MROH6: variants seen among roughly 807,000 people sequenced by gnomAD.
MROH6 encodes maestro heat-like repeat-containing protein family member 6.
Under a neutral mutation model 67.7 loss-of-function variants are expected in MROH6, and 62 were observed. The ratio of observed to expected loss-of-function variants is 0.92; its 90% CI spans 0.75 to 1.13. The LOEUF (loss-of-function observed/expected upper bound fraction) is 1.13. Ranked by LOEUF, MROH6 falls within the 50% of genes most tolerant of loss-of-function variation. MROH6 has a pLI of 0.00. For synonymous variants in MROH6, 566 were observed against 470.8 expected, an observed-to-expected ratio of 1.20 and a Z score of -2.62; for missense variants, 1,175 against 1,029.1, an observed-to-expected ratio of 1.14 and a Z score of -1.94.
At position 143,568,632 on chromosome 8, in the gene MROH6, C is replaced by G. The variant is rs759014426; in HGVS notation, c.1564G>C (p.Gly522Arg). 1 of 1,537,380 alleles carries G rather than the reference C, an allele frequency of 6.5e-7. No individual in the cohort carries two copies. The highest frequency in any genetic ancestry group is 8.7e-7 in the Non-Finnish European group (1 of 1,147,488). The stretch of plus-strand genomic sequence containing the variant: ...TGCAGCACCAGCTTCCGCAGGGGGC[C>G]GCGGAGCCCCAGCCGGAGCCCGCCC... ...GRGGLRLGLRGPLRKLVLQSL... is the reference protein window; with the variant it reads ...GRGGLRLGLRRPLRKLVLQSL... The change falls in exon 10 of 14, where the codon GGC (glycine) becomes CGC (arginine). Residue 522 changes from glycine (G) to arginine (R), a missense_variant. Gly to Arg is a moderately radical substitution (Grantham distance 125). Coordinates refer to ENST00000398882, the MANE Select transcript of MROH6 (RefSeq NM_001100878.2).
In MROH6 at chr8:143,567,663, G is replaced by A; in HGVS notation, c.1881C>T (p.His627=). ...AAAVLIGFLV[H]HASPGCVNQD... ...GGTTGACACAGCCGGGGCTGGCGTGGTGGACAAGGAAGCCTGGACCACAGC... is the reference window on the plus strand; with the variant it reads ...GGTTGACACAGCCGGGGCTGGCGTGATGGACAAGGAAGCCTGGACCACAGC... The change falls in exon 13 of 14, where the codon CAC becomes CAT. Residue 627 remains histidine (H), a synonymous_variant. Coordinates refer to ENST00000398882, the MANE Select transcript of MROH6 (RefSeq NM_001100878.2). 2.5e-6 allele frequency: 4 copies of A among 1,577,534 alleles called. No individual in the cohort carries two copies. Among genetic ancestry groups the A allele is most frequent in the South Asian group, 1.2e-5 (1 of 86,304 alleles).
rs752558058 is a variant in MROH6, at chr8:143,572,016, A to T, written c.447+17T>A. 6.2e-7 allele frequency: 1 copy of T among 1,605,912 alleles called. No homozygotes were observed. Among genetic ancestry groups the T allele is most frequent in the Non-Finnish European group, 8.5e-7 (1 of 1,176,088 alleles). On this transcript the variant is annotated intron_variant, in intron 2 of 13. Transcript: ENST00000398882. Reference sequence around the variant, plus strand: ...ACCGGCAGGATTCTGTAGGGCATGAAGTGGGTGAAGGCTGACCTGGTCCTC... The same window carrying T: ...ACCGGCAGGATTCTGTAGGGCATGATGTGGGTGAAGGCTGACCTGGTCCTC...
At chr8:143,571,037 G>A (rs927833179) in intron 3 of MROH6, 43 bp from the exon 4 acceptor site, 13 of 1,512,262 alleles carry the variant, frequency 8.6e-6, no homozygotes, top group African/African-American at 1.4e-5. Flanking sequence ...GAGATGGGTG[G>A]GTGTCCAGGG....
Position 143,572,592 on chromosome 8 carries a change from T to C in MROH6, c.123A>G (p.Ala41=). ...RQGQPQGPPS[A]GPQPKSWEVK... ...CCTCCCAGGACTTGGGCTGAGGGCC[T>C]GCGGAAGGGGGTCCCTGGGGCTGCC... The change falls in exon 1 of 14, where the codon GCA becomes GCG. Residue 41 remains alanine (A), a synonymous_variant. Coordinates refer to ENST00000398882, the MANE Select transcript of MROH6 (RefSeq NM_001100878.2). 1 of 1,601,566 alleles carries C rather than the reference T, an allele frequency of 6.2e-7. No homozygotes were observed. Among genetic ancestry groups the C allele is most frequent in the Non-Finnish European group, 8.5e-7 (1 of 1,176,202 alleles).
chr8:143,571,673 G>C lies in MROH6; in HGVS notation c.596C>G (p.Ala199Gly). The C allele has an allele frequency of 6.4e-7, 1 of 1,557,164 alleles. No individual in the cohort carries two copies. The highest frequency in any genetic ancestry group is 8.7e-7 in the Non-Finnish European group (1 of 1,151,042). ...GCCAGGACGGTTGGGTTACCGATCG[G>C]CGGGCAGAGAGCGGGGTAGCAGCGC... ...VCALLPRSLPADRVAAELWRS... is the reference protein window; with the variant it reads ...VCALLPRSLPGDRVAAELWRS... Residue 199 changes from alanine (A) to glycine (G), a missense_variant, in exon 3 of 14, where the codon GCC becomes GGC. Coordinates refer to ENST00000398882, the MANE Select transcript of MROH6 (RefSeq NM_001100878.2).
rs1230905690 is a variant in MROH6 at position 143,567,483 on chromosome 8, C to T, written c.1934-18G>A. On this transcript the variant is annotated intron_variant, in intron 13 of 13. Transcript: ENST00000398882. ...CCCTAGGTCTGCGAGGAGATCGCGG[C>T]TCAGGCTGGGGAGCCCAGGAGGGCC... is the stretch of plus-strand genomic sequence containing the variant. 1.4e-5 allele frequency: 20 copies of T among 1,427,602 alleles called. No homozygotes were observed. Among genetic ancestry groups the T allele is most frequent in the Non-Finnish European group, 1.7e-5 (18 of 1,086,048 alleles). The allele number at this position is 1,427,602 out of a possible 1,614,324, so 88.4% of individuals were successfully genotyped here.
intron 9 of MROH6, chr8:143,568,968 C>T: frequency 3.1e-6 from 1 of 322,410 alleles, no homozygotes; most frequent in Admixed American, 7.4e-5. Context: ...TGGCGGGACA[C>T]GGCCCTGGAG....
rs1218018519 is a variant in MROH6 at position 143,569,479 on chromosome 8, C to T, written c.1438G>A (p.Ala480Thr). The T allele has an allele frequency of 3.4e-6, 5 of 1,474,926 alleles. No homozygotes were observed. The African/African-American group carries it at 4.4e-5, about 13-fold the overall frequency. 91.4% of individuals were successfully genotyped at this position (1,474,926 alleles called of 1,614,324 possible). A position where few individuals can be genotyped will look rare whatever the true frequency, so the allele number is the denominator to read the frequency against. ...GGAGGGAGGCGCGGTCCCAGCTCCG[C>T]GCTCAGGAGCCGCACAGGCGCCCGG... ...RPRAPVRLLS[A>T]ELGPRLPPLL... is the part of the protein sequence containing the mutation. Residue 480 changes from alanine (A) to threonine (T), a missense_variant, in exon 9 of 14, where the codon GCG becomes ACG. Coordinates refer to ENST00000398882, the MANE Select transcript of MROH6 (RefSeq NM_001100878.2).
Position 143,567,097 on chromosome 8 carries a change from G to C in MROH6, c.*142C>G. On this transcript the variant is annotated 3_prime_UTR_variant, in exon 14 of 14. Coordinates refer to ENST00000398882, the MANE Select transcript of MROH6 (RefSeq NM_001100878.2). ...CATCAGGGTGGTGGGTGCCTGAAGA[G>C]GGGTCACGGGGGTGGGGGGTGGGGG... 1 of 395,550 alleles carries C rather than the reference G, an allele frequency of 2.5e-6. No homozygotes were observed. Among genetic ancestry groups the C allele is most frequent in the Non-Finnish European group, 4.2e-6 (1 of 235,332 alleles). 24.5% of individuals were successfully genotyped at this position (395,550 alleles called of 1,614,324 possible). A position where few individuals can be genotyped will look rare whatever the true frequency, so the allele number is the denominator to read the frequency against.
Position 143,567,286 on chromosome 8 carries a change from G to A in MROH6, c.2113C>T (p.Arg705Trp), listed in dbSNP as rs1421899925. 3.3e-6 allele frequency: 4 copies of A among 1,222,482 alleles called. No homozygotes were observed. Among genetic ancestry groups the A allele is most frequent in the Non-Finnish European group, 4.1e-6 (4 of 981,888 alleles). The allele number at this position is 1,222,482 out of a possible 1,614,324, so 75.7% of individuals were successfully genotyped here. The stretch of plus-strand genomic sequence containing the variant: ...CAGCCCCAGCGGCCCGCGACGCTCC[G>A]GCGCTGGAAGGGGCTGTCGGCGAAG... ...PVFADSPFQR[R>W]SVAGRWGCSG... is the part of the protein sequence containing the mutation. The change falls in exon 14 of 14, where the codon CGG becomes TGG. Residue 705 changes from arginine to tryptophan, a missense_variant. Arg to Trp is a moderately radical substitution (Grantham distance 101). Coordinates refer to ENST00000398882, the MANE Select transcript of MROH6 (RefSeq NM_001100878.2).
rs1354177421 is a variant in MROH6, at chr8:143,567,336, G to A, written c.2063C>T (p.Pro688Leu). 1.5e-5 allele frequency: 18 copies of A among 1,218,960 alleles called. No individual in the cohort carries two copies. The East Asian group carries it at 2.6e-4, about 18-fold the overall frequency. 75.5% of individuals were successfully genotyped at this position (1,218,960 alleles called of 1,614,324 possible). A position where few individuals can be genotyped will look rare whatever the true frequency, so the allele number is the denominator to read the frequency against. ...PRGPRLLRIA[P>L]RPARPPPVFA... ...GACTGGTGGGGGCCGGGCGGGGCGC[G>A]GGGCGATGCGGAGAAGGCGGGGCCC... Residue 688 changes from proline to leucine, a missense_variant, in exon 14 of 14, where the codon CCG becomes CTG. Transcript: ENST00000398882.
intron 4 of MROH6, 84 bp from the exon 5 acceptor site, chr8:143,570,741 A>C: frequency 6.9e-7 from 1 of 1,458,964 alleles, no homozygotes; most frequent in Non-Finnish European, 9.2e-7. Context: ...TGTCAACAGG[A>C]TGGGGACAGC....
At position 143,570,918 on chromosome 8, in the gene MROH6, C is replaced by A. The variant is rs750841501; in HGVS notation, c.679G>T (p.Ala227Ser). 1.3e-6 allele frequency: 2 copies of A among 1,548,766 alleles called. No individual in the cohort carries two copies. Among genetic ancestry groups the A allele is most frequent in the African/African-American group, 2.7e-5 (2 of 73,022 alleles). Reference protein sequence around the residue: ...NGQVLVQLLWALKGASGPEPQ... With the variant: ...NGQVLVQLLWSLKGASGPEPQ... ...TCCGGCCCCGAAGCACCCTTCAGCG[C>A]CCACAGCAGTTGCACCAGCACCTGC... Residue 227 changes from alanine to serine, a missense_variant, in exon 4 of 14, where the codon GCG becomes TCG. Physicochemically the swap from Ala to Ser is moderately conservative, Grantham distance 99. Transcript: ENST00000398882.
At position 143,567,892 on chromosome 8, in the gene MROH6, G is replaced by A. The variant is rs1823721242; in HGVS notation, c.1765-4C>T. ...CGTGGCCTGGGTATCGCTGAACCTG[G>A]GGACAAAAGGGCTAGTGGCAGGACA... On this transcript the variant is annotated splice_polypyrimidine_tract_variant and splice_region_variant and intron_variant, in intron 11 of 13. Transcript: ENST00000398882. 1 of 1,520,488 alleles carries A rather than the reference G, an allele frequency of 6.6e-7. No individual in the cohort carries two copies. The highest frequency in any genetic ancestry group is 8.8e-7 in the Non-Finnish European group (1 of 1,135,784). 94.2% of individuals were successfully genotyped at this position (1,520,488 alleles called of 1,614,324 possible).
rs146481982 is a variant in MROH6, at chr8:143,569,667, C to G, written c.1302+30G>C. 4 of 1,607,928 alleles carry G rather than the reference C, an allele frequency of 2.5e-6. No homozygotes were observed. In the African/African-American group the frequency reaches 4.0e-5, roughly 16 times the overall value. On this transcript the variant is annotated intron_variant, in intron 8 of 13. Coordinates refer to ENST00000398882, the MANE Select transcript of MROH6 (RefSeq NM_001100878.2). ...CAGACCTCGCCGCGACCGGGCCAAG[C>G]CCCTCTCCACCCCTCCCCTTCTCTC... is the stretch of plus-strand genomic sequence containing the variant.
intron 9 of MROH6, chr8:143,568,936 A>G: frequency 4.3e-6 from 2 of 465,814 alleles, no homozygotes. Flanking sequence ...GTCCGGAAGG[A>G]AAAGTCGAGC....
rs1246253871 is a variant in MROH6 at position 143,570,345 on chromosome 8, C to T, written c.941G>A (p.Gly314Glu). ...AVEALKALLT[G>E]DGGRMVVTCM... The stretch of plus-strand genomic sequence containing the variant: ...CGTGACCACCATGCGGCCTCCATCC[C>T]CGGTGAGCAGCGCCTTCAAGGCCTC... Residue 314 changes from glycine (G) to glutamate (E), a missense_variant, in exon 6 of 14, where the codon GGG (glycine) becomes GAG (glutamate). Gly to Glu is a moderately conservative substitution (Grantham distance 98). Coordinates refer to ENST00000398882, the MANE Select transcript of MROH6 (RefSeq NM_001100878.2). 1.2e-6 allele frequency: 2 copies of T among 1,610,886 alleles called. No individual in the cohort carries two copies. The highest frequency in any genetic ancestry group is 1.3e-5 in the African/African-American group (1 of 75,064).
Position 143,567,143 on chromosome 8 carries a change from C to T in MROH6, c.*96G>A, listed in dbSNP as rs1375535568. On this transcript the variant is annotated 3_prime_UTR_variant, in exon 14 of 14. Transcript: ENST00000398882. ...GGGGGAGGGCATTGGCGTCCAGCAC[C>T]AGGCCCAGGGAGCCCCTCCGTCAGG... 4 of 643,382 alleles carry T rather than the reference C, an allele frequency of 6.2e-6. No homozygotes were observed. The East Asian group carries it at 1.1e-4, about 18-fold the overall frequency. 39.9% of individuals were successfully genotyped at this position (643,382 alleles called of 1,614,324 possible).
Position 143,568,540 on chromosome 8 carries a change from G to A in MROH6, c.1644+12C>T. 6 of 1,518,468 alleles carry A rather than the reference G, an allele frequency of 4.0e-6. No homozygotes were observed. Among genetic ancestry groups the A allele is most frequent in the African/African-American group, 1.4e-5 (1 of 72,904 alleles). 94.1% of individuals were successfully genotyped at this position (1,518,468 alleles called of 1,614,324 possible). A position where few individuals can be genotyped will look rare whatever the true frequency, so the allele number is the denominator to read the frequency against. On this transcript the variant is annotated intron_variant, in intron 10 of 13. Transcript: ENST00000398882. ...ATGGCATAGGGGTGGGATGGTGTCG[G>A]GGGCTGCTGACCTCAGCAGCGTCCC... is the stretch of plus-strand genomic sequence containing the variant.
Sources: gnomAD v4.1 joint callset for allele counts on GRCh38, gnomAD v4.1.1 for gene constraint, MANE v1.5 for transcripts, NCBI Gene and HGNC (gene_info 2026-07-23, HGNC 2026-07-21) for gene names.